Variants in MB21D2 observed in about 807,000 individuals in gnomAD.
MB21D2 encodes the protein Mab-21 domain containing 2.
Under a neutral mutation model 33.3 loss-of-function variants are expected in MB21D2, and 9 were observed. The ratio of observed to expected loss-of-function variants is 0.27; its 90% CI spans 0.16 to 0.47. The LOEUF is 0.47. Ranked by LOEUF, MB21D2 falls within the 20% of genes least tolerant of loss-of-function variation. MB21D2 has a pLI of 0.99. For synonymous variants in MB21D2, 241 were observed against 236.3 expected, an observed-to-expected ratio of 1.02 and a Z score of -0.18; for missense variants, 540 against 624.6, an observed-to-expected ratio of 0.86 and a Z score of 1.44.
chr3:192,878,081 C>CTTTTTTTTTTTTTTTTT lies in MB21D2; in HGVS notation c.211+39532_211+39548dup, dbSNP rs11294126. Among the ~76,000 whole-genome samples the CTTTTTTTTTTTTTTTTT allele has an allele frequency of 9.7e-3, 1,149 of 119,046 alleles. 1 individual carries two copies. The highest frequency in any genetic ancestry group is 0.018 in the Middle Eastern group (3 of 166). 78.1% of individuals were successfully genotyped at this position (119,046 alleles called of 152,430 possible). On this transcript the variant is annotated intron_variant, in intron 1 of 1. Coordinates refer to ENST00000392452, the MANE Select transcript of MB21D2 (RefSeq NM_178496.4). ...GAAACATCTTCAAACAATTCCTCCT[C>CTTTTTTTTTTTTTTTTT]TTTTTTTTTTTTTTTTTTTTGGTTT...
chr3:192,874,582 GC>G (rs1231928733), intron 1 of MB21D2, among the ~76,000 whole-genome samples: 3 of 152,086 alleles, frequency 2.0e-5, no homozygotes, highest in Non-Finnish European at 4.4e-5. Flanking sequence ...CTGTCAAAAC[GC>G]CCTTAAAAAT....
intron 1 of MB21D2, among the ~76,000 whole-genome samples, chr3:192,884,001 C>G (rs1713665853): frequency 6.6e-6 from 1 of 152,116 alleles, no homozygotes; most frequent in South Asian, 2.1e-4. Flanking sequence ...ATGGTTGACT[C>G]TCAGCATCTG....
At chr3:192,874,785 T>C (rs140567052) in intron 1 of MB21D2, among the ~76,000 whole-genome samples, 229 of 152,252 alleles carry the variant, frequency 1.5e-3, no homozygotes, top group South Asian at 0.015. Flanking sequence ...GACAGGAACA[T>C]AAGCTTGGAG....
At chr3:192,816,954 A>G (rs1305133404) in intron 1 of MB21D2, among the ~76,000 whole-genome samples, 2 of 152,182 alleles carry the variant, frequency 1.3e-5, no homozygotes, top group East Asian at 3.9e-4. Context: ...TAAAGCTCCA[A>G]GCAGAGTTTC....
intron 1 of MB21D2, among the ~76,000 whole-genome samples, chr3:192,892,240 C>T (rs1038357389): frequency 1.3e-5 from 2 of 152,212 alleles, no homozygotes. Flanking sequence ...TCACACCCAG[C>T]AGGCTCACTG....
intron 1 of MB21D2, among the ~76,000 whole-genome samples, chr3:192,828,621 TA>T (rs1712239368): frequency 4.9e-5 from 1 of 20,472 alleles, no homozygotes; most frequent in Non-Finnish European, 7.9e-5. Flanking sequence ...TATATATATA[TA>T]TATATATATA....
intron 1 of MB21D2, among the ~76,000 whole-genome samples, chr3:192,816,373 T>C (rs933024020): frequency 1.3e-5 from 2 of 152,162 alleles, no homozygotes; most frequent in Admixed American, 1.3e-4. Flanking sequence ...AACTTTCAGA[T>C]GAAAAATTCC....
chr3:192,827,571 T>C (rs1008224430), intron 1 of MB21D2, among the ~76,000 whole-genome samples: 4 of 152,154 alleles, frequency 2.6e-5, no homozygotes, highest in Non-Finnish European at 4.4e-5. Flanking sequence ...ATGGTCACTA[T>C]TTCCCAGACA....
intron 1 of MB21D2, among the ~76,000 whole-genome samples, chr3:192,854,031 T>C (rs1418850773): frequency 2.0e-5 from 3 of 152,150 alleles, no homozygotes; most frequent in African/African-American, 4.8e-5. Context: ...CATAACAACT[T>C]TGAAGTTAGG....
intron 1 of MB21D2, among the ~76,000 whole-genome samples, chr3:192,834,497 T>C (rs910539822): frequency 6.6e-6 from 1 of 151,828 alleles, no homozygotes. Context: ...CCACTGCTTT[T>C]CTATCATGCC....
chr3:192,822,042 C>T (rs7610161), intron 1 of MB21D2, among the ~76,000 whole-genome samples: 9,033 of 152,150 alleles, frequency 0.059, 918 homozygotes, highest in African/African-American at 0.21. Context: ...AATATCTTTA[C>T]ATGGAAATAC....
chr3:192,810,774 A>G (rs1050161062), intron 1 of MB21D2, among the ~76,000 whole-genome samples: 2 of 152,258 alleles, frequency 1.3e-5, no homozygotes, highest in Non-Finnish European at 1.5e-5. Flanking sequence ...ACATTTGTCT[A>G]AAGACTTTTT....
intron 1 of MB21D2, among the ~76,000 whole-genome samples, chr3:192,816,540 A>AT (rs895903997): frequency 2.6e-5 from 4 of 152,160 alleles, no homozygotes; most frequent in Non-Finnish European, 5.9e-5. Context: ...TTGAACATAA[A>AT]TTTTTAAAAT....
chr3:192,878,130 C>T (rs1270889236), intron 1 of MB21D2, among the ~76,000 whole-genome samples: 3 of 127,938 alleles, frequency 2.3e-5, no homozygotes, highest in African/African-American at 9.5e-5. Context: ...GACGGAGTCT[C>T]GCTCTGTCGC....
At chr3:192,878,102 G>GT (rs1577193394) in intron 1 of MB21D2, among the ~76,000 whole-genome samples, 67 of 63,236 alleles carry the variant, frequency 1.1e-3, no homozygotes, top group Admixed American at 2.1e-3. Context: ...TTTTTTTTTT[G>GT]GTTTTTTTTG....
At chr3:192,823,741 A>G (rs1055678421) in intron 1 of MB21D2, among the ~76,000 whole-genome samples, 6 of 152,182 alleles carry the variant, frequency 3.9e-5, no homozygotes, top group South Asian at 2.1e-4. Flanking sequence ...TGTAAGACAT[A>G]TATTCATGTG....
chr3:192,860,605 T>G (rs986570394), intron 1 of MB21D2, among the ~76,000 whole-genome samples: 1 of 152,222 alleles, frequency 6.6e-6, no homozygotes, highest in South Asian at 2.1e-4. Flanking sequence ...GGCTTCAGGA[T>G]GCAAGCAGTT....
At chr3:192,911,553 A>T (rs1714353225) in intron 1 of MB21D2, among the ~76,000 whole-genome samples, 1 of 152,168 alleles carries the variant, frequency 6.6e-6, no homozygotes, top group African/African-American at 2.4e-5. Context: ...GGGGATCTCT[A>T]GGGAATTCGG....
intron 1 of MB21D2, among the ~76,000 whole-genome samples, chr3:192,856,830 G>A (rs557586810): frequency 6.6e-6 from 1 of 152,268 alleles, no homozygotes; most frequent in African/African-American, 2.4e-5. Context: ...TGGGATTACA[G>A]GTGTGAGCCA....
Sources: gnomAD v4.1 joint callset for allele counts (sites outside exome capture counted in the v4.1 genomes callset) on GRCh38, gnomAD v4.1.1 for gene constraint, MANE v1.5 for transcripts, NCBI Gene and HGNC (gene_info 2026-07-23, HGNC 2026-07-21) for gene names.